The following CSMD1 variants were observed in gnomAD, a reference collection of about 807,000 sequenced individuals.
CSMD1 encodes CUB and Sushi multiple domains 1.
Under a neutral mutation model 417.5 loss-of-function variants are expected in CSMD1, and 213 were observed. The ratio of observed to expected loss-of-function variants is 0.51; its 90% CI spans 0.46 to 0.57. CSMD1 has a LOEUF of 0.57. Among genes scored for constraint, CSMD1 ranks in the 20% least tolerant of loss-of-function variants. CSMD1 has a pLI of 0.00. For missense variants in CSMD1, 6,923 were observed against 4,529.7 expected, an observed-to-expected ratio of 1.53 and a Z score of -15.17; for synonymous variants, 2,862 against 1,736.8, an observed-to-expected ratio of 1.65 and a Z score of -16.11.
chr8:4,713,478 T>G (rs1808445654), intron 1 of CSMD1, among the ~76,000 whole-genome samples: 1 of 152,188 alleles, frequency 6.6e-6, no homozygotes, highest in Admixed American at 6.5e-5. Flanking sequence ...ACCGGCTCAC[T>G]GCCATCTCCG....
chr8:4,239,155 G>C (rs566442398), intron 3 of CSMD1, among the ~76,000 whole-genome samples: 31 of 152,212 alleles, frequency 2.0e-4, no homozygotes, highest in Non-Finnish European at 3.2e-4. Context: ...AAATCATTAC[G>C]TTCTCCACCA....
At chr8:4,564,441 A>G (rs959830910) in intron 2 of CSMD1, among the ~76,000 whole-genome samples, 2 of 152,160 alleles carry the variant, frequency 1.3e-5, no homozygotes, top group African/African-American at 4.8e-5. Context: ...GTGCCAGGGG[A>G]TCTAGTGTCT....
At chr8:3,581,602 C>T (rs1471644070) in intron 9 of CSMD1, among the ~76,000 whole-genome samples, 2 of 152,128 alleles carry the variant, frequency 1.3e-5, no homozygotes, top group Non-Finnish European at 2.9e-5. Context: ...AAAATAGGAA[C>T]CTTGAGAATC....
At chr8:3,671,003 TGG>T in intron 7 of CSMD1, among the ~76,000 whole-genome samples, 1 of 140,224 alleles carries the variant, frequency 7.1e-6, no homozygotes, top group Admixed American at 7.2e-5. Context: ...TATATATGTA[TGG>T]GATATATATG....
chr8:3,358,027 C>T (rs1039239695), intron 21 of CSMD1, among the ~76,000 whole-genome samples: 2 of 152,142 alleles, frequency 1.3e-5, no homozygotes, highest in Non-Finnish European at 2.9e-5. Context: ...TATCCCTAAG[C>T]AACCCCAAAA....
chr8:3,880,497 T>C (rs944936369), intron 5 of CSMD1, among the ~76,000 whole-genome samples: 7 of 152,198 alleles, frequency 4.6e-5, no homozygotes, highest in African/African-American at 7.2e-5. Context: ...CTTAGAGTTA[T>C]AAATAAAATT....
intron 55 of CSMD1, among the ~76,000 whole-genome samples, chr8:2,977,211 C>T (rs1805001357): frequency 6.6e-6 from 1 of 152,156 alleles, no homozygotes; most frequent in African/African-American, 2.4e-5. Flanking sequence ...AATCCATCAC[C>T]TAGGTACCAA....
At chr8:3,692,645 C>G (rs1376284914) in intron 7 of CSMD1, among the ~76,000 whole-genome samples, 3 of 152,030 alleles carry the variant, frequency 2.0e-5, no homozygotes, top group Admixed American at 2.0e-4. Context: ...GTTGGTCAGG[C>G]TGGTCTCGAA....
chr8:3,726,354 C>T (rs996582528), intron 6 of CSMD1, among the ~76,000 whole-genome samples: 2 of 152,170 alleles, frequency 1.3e-5, no homozygotes, highest in African/African-American at 4.8e-5. Context: ...TTATTTGTAG[C>T]AATAGAACTA....
chr8:4,367,353 A>G (rs773989973), intron 3 of CSMD1, among the ~76,000 whole-genome samples: 28 of 152,228 alleles, frequency 1.8e-4, no homozygotes, highest in Non-Finnish European at 2.9e-4. Flanking sequence ...AACTTTGTCA[A>G]AGATCACGTG....
At chr8:4,090,608 C>G (rs550105064) in intron 3 of CSMD1, among the ~76,000 whole-genome samples, 1 of 152,106 alleles carries the variant, frequency 6.6e-6, no homozygotes, top group Non-Finnish European at 1.5e-5. Flanking sequence ...GTGTGATACA[C>G]GAATTCTCAG....
At chr8:3,566,746 T>C (rs976416884) in intron 10 of CSMD1, among the ~76,000 whole-genome samples, 1 of 152,132 alleles carries the variant, frequency 6.6e-6, no homozygotes, top group Admixed American at 6.5e-5. Flanking sequence ...TCACACCAGT[T>C]GGAATGGCTA....
chr8:3,618,831 G>A (rs1326948342), intron 7 of CSMD1, among the ~76,000 whole-genome samples: 1 of 152,202 alleles, frequency 6.6e-6, no homozygotes, highest in Admixed American at 6.5e-5. Context: ...GTGGCACAGT[G>A]CAGTTGAGAG....
chr8:3,922,871 A>G (rs1809373642), intron 5 of CSMD1, among the ~76,000 whole-genome samples: 1 of 152,168 alleles, frequency 6.6e-6, no homozygotes, highest in Non-Finnish European at 1.5e-5. Flanking sequence ...TATGTGGAGG[A>G]AAAGTTAAAT....
intron 33 of CSMD1, among the ~76,000 whole-genome samples, chr8:3,194,840 C>G (rs756749190): frequency 6.6e-6 from 1 of 151,910 alleles, no homozygotes; most frequent in Non-Finnish European, 1.5e-5. Flanking sequence ...AAGAAGAAGC[C>G]TTGAGCTCCT....
chr8:4,470,345 A>G (rs745942256), intron 2 of CSMD1, among the ~76,000 whole-genome samples: 11 of 152,144 alleles, frequency 7.2e-5, no homozygotes, highest in Non-Finnish European at 1.2e-4. Flanking sequence ...CTTGACTACG[A>G]TGGTTCAACT....
chr8:3,863,304 G>A (rs556348361), intron 5 of CSMD1, among the ~76,000 whole-genome samples: 2 of 151,604 alleles, frequency 1.3e-5, no homozygotes, highest in Admixed American at 6.6e-5. Context: ...GGCTGAGGCA[G>A]GAGAATCGCT....
chr8:4,165,506 T>C (rs1277332557), intron 3 of CSMD1, among the ~76,000 whole-genome samples: 2 of 152,156 alleles, frequency 1.3e-5, no homozygotes, highest in Non-Finnish European at 2.9e-5. Context: ...CAAGCTCAAG[T>C]CATCCTCCCA....
chr8:4,613,006 T>C (rs1801268343), intron 2 of CSMD1, among the ~76,000 whole-genome samples: 2 of 152,126 alleles, frequency 1.3e-5, no homozygotes, highest in African/African-American at 4.8e-5. Flanking sequence ...TAACATTAGA[T>C]TCCCAGGAAA....
Sources: gnomAD v4.1 joint callset for allele counts (sites outside exome capture counted in the v4.1 genomes callset) on GRCh38, gnomAD v4.1.1 for gene constraint, MANE v1.5 for transcripts, NCBI Gene and HGNC (gene_info 2026-07-23, HGNC 2026-07-21) for gene names.